The following RNF111 variants were observed in gnomAD, a reference collection of about 807,000 sequenced individuals.
RNF111 encodes ring finger protein 111.
RNF111 carries 17 observed loss-of-function variants against 95.1 expected under a neutral mutation model. That is an observed-to-expected ratio of 0.18 (90% CI 0.12 to 0.27). RNF111 has a LOEUF of 0.27. RNF111 is among the 10% of genes least tolerant of loss of function. The pLI is 1.00. For missense variants in RNF111, 1,189 were observed against 1,210.4 expected (o/e 0.98, Z 0.26); for synonymous variants, 440 against 414.8 (o/e 1.06, Z -0.74).
intron 2 of RNF111, among the ~76,000 whole-genome samples, chr15:59,049,092 C>CA (rs1242181820): frequency 1.3e-5 from 2 of 151,998 alleles, no homozygotes; most frequent in Non-Finnish European, 2.9e-5. Flanking sequence ...CACACACACA[C>CA]AAAAAAGTAT....
chr15:59,024,076 C>A (rs1331172744), intron 1 of RNF111, among the ~76,000 whole-genome samples: 1 of 151,992 alleles, frequency 6.6e-6, no homozygotes, highest in Non-Finnish European at 1.5e-5. Context: ...CTGATTATCC[C>A]CAGTTATATG....
In RNF111 at chr15:59,055,715, T is replaced by G; in HGVS notation, c.1041T>G (p.His347Gln). The G allele has an allele frequency of 6.2e-7, 1 of 1,613,950 alleles. No homozygotes were observed. The highest frequency in any genetic ancestry group is 8.5e-7 in the Non-Finnish European group (1 of 1,179,928). Residue 347 changes from histidine to glutamine, a missense_variant, in exon 4 of 14, where the codon CAT becomes CAG. Physicochemically the swap from His to Gln is conservative, Grantham distance 24 (BLOSUM62 0). Around this residue, in one of 2 missense-constraint regions of RNF111, gnomAD observed 1,024 missense variants for 925.9 expected, o/e 1.11. Transcript: ENST00000348370. ...SRSTLGHSRS[H>Q]WSQGSSSHAS... Reference sequence around the variant, plus strand: ...CAACCCTTGGACACTCCAGATCTCATTGGAGCCAGGGTTCCAGTTCTCATG... The same window carrying G: ...CAACCCTTGGACACTCCAGATCTCAGTGGAGCCAGGGTTCCAGTTCTCATG...
intron 2 of RNF111, among the ~76,000 whole-genome samples, chr15:59,034,182 A>G (rs1330862743): frequency 6.6e-6 from 1 of 152,130 alleles, no homozygotes; most frequent in Non-Finnish European, 1.5e-5. Context: ...TGACATTTGC[A>G]TAGTATTCCC....
intron 1 of RNF111, among the ~76,000 whole-genome samples, chr15:59,017,938 T>A (rs1361400680): frequency 6.6e-6 from 1 of 151,956 alleles, no homozygotes; most frequent in African/African-American, 2.4e-5. Flanking sequence ...TTTGTATTTT[T>A]GGTAGAGACG....
At chr15:58,995,891 C>G (rs1249026875) in intron 1 of RNF111, among the ~76,000 whole-genome samples, 1 of 150,132 alleles carries the variant, frequency 6.7e-6, no homozygotes, top group Non-Finnish European at 1.5e-5. Flanking sequence ...ACCCTGGTTC[C>G]TTTTAGTGAG....
intron 1 of RNF111, among the ~76,000 whole-genome samples, chr15:58,989,594 G>C (rs1026896489): frequency 6.6e-6 from 1 of 152,182 alleles, no homozygotes; most frequent in African/African-American, 2.4e-5. Flanking sequence ...TATTTCACCA[G>C]ACATAGAACT....
chr15:59,021,136 C>T (rs1319544254), intron 1 of RNF111, among the ~76,000 whole-genome samples: 1 of 151,974 alleles, frequency 6.6e-6, no homozygotes, highest in African/African-American at 2.4e-5. Flanking sequence ...GGTTAGATCC[C>T]AGATTTTATG....
chr15:59,036,070 TTTTA>T (rs763155391), intron 2 of RNF111, among the ~76,000 whole-genome samples: 5 of 152,118 alleles, frequency 3.3e-5, no homozygotes, highest in Non-Finnish European at 1.5e-5. Context: ...TTTATTCTAT[TTTTA>T]TTTATTTATT....
Position 59,091,128 on chromosome 15 carries a change from T to C in RNF111, c.2713T>C (p.Cys905Arg). 1 of 1,604,932 alleles carries C rather than the reference T, an allele frequency of 6.2e-7. No individual in the cohort carries two copies. The highest frequency in any genetic ancestry group is 8.5e-7 in the Non-Finnish European group (1 of 1,172,592). Reference sequence around the variant, plus strand: ...AGCATCCCAGGGGACAATTGAAAGATGTACATATCCACATAAATACAAAAA... The same window carrying C: ...AGCATCCCAGGGGACAATTGAAAGACGTACATATCCACATAAATACAAAAA... Reference protein sequence around the residue: ...RGASQGTIERCTYPHKYKKRK... With the variant: ...RGASQGTIERRTYPHKYKKRK... The change falls in exon 12 of 14, where the codon TGT becomes CGT. Residue 905 changes from cysteine (C) to arginine (R), a missense_variant. Cys to Arg is a radical substitution (Grantham distance 180, BLOSUM62 -3). Around this residue, in one of 2 missense-constraint regions of RNF111, gnomAD observed 165 missense variants for 284.6 expected, o/e 0.58. Transcript: ENST00000348370.
rs574260993 is a variant in RNF111, at chr15:59,027,906, A to G, written c.-19-2898A>G. The stretch of plus-strand genomic sequence containing the variant: ...AGTGGTGTGATCTCAGCTCACTACA[A>G]CCTCTGCCTCCCTGGTTCAAGCAAT... On this transcript the variant is annotated intron_variant, in intron 1 of 13. Transcript: ENST00000348370. 2.9e-3 allele frequency among the ~76,000 whole-genome samples: 419 copies of G among 145,928 alleles called. 1 individual carries two copies. The highest frequency in any genetic ancestry group is 0.011 in the Middle Eastern group (3 of 282).
At chr15:59,013,756 A>C (rs1178683004) in intron 1 of RNF111, among the ~76,000 whole-genome samples, 1 of 152,088 alleles carries the variant, frequency 6.6e-6, no homozygotes, top group African/African-American at 2.4e-5. Flanking sequence ...AGGAAGATTT[A>C]TTTATATCAG....
In RNF111 at chr15:59,028,524, AGT is replaced by A; in HGVS notation, c.-19-2276_-19-2275del. Among the ~76,000 whole-genome samples, 4 of 152,282 alleles carry A rather than the reference AGT, an allele frequency of 2.6e-5. 1 individual carries two copies. In the South Asian group the frequency reaches 8.3e-4, roughly 32 times the overall value. Reference sequence around the variant, plus strand: ...TATGTGAATGTGGTCTCTCTCTCATAGTGTGAGTAACTGAAGCTGTGGAAAGT... The same window carrying A: ...TATGTGAATGTGGTCTCTCTCTCATAGTGAGTAACTGAAGCTGTGGAAAGT... On this transcript the variant is annotated intron_variant, in intron 1 of 13. Coordinates refer to ENST00000348370, the MANE Select transcript of RNF111 (RefSeq NM_017610.8).
intron 7 of RNF111, among the ~76,000 whole-genome samples, chr15:59,076,982 C>T (rs1272849292): frequency 6.6e-6 from 1 of 152,152 alleles, no homozygotes; most frequent in Admixed American, 6.5e-5. Context: ...CTACTCCAGT[C>T]ATTTAAAAAA....
chr15:59,092,216 T>C (rs1048561219), intron 12 of RNF111, among the ~76,000 whole-genome samples: 3 of 152,170 alleles, frequency 2.0e-5, no homozygotes, highest in Admixed American at 6.6e-5. Context: ...AAAAAACTTA[T>C]TTATGCTCAT....
At chr15:59,054,826 A>G (rs1216284381) in intron 3 of RNF111, among the ~76,000 whole-genome samples, 1 of 152,166 alleles carries the variant, frequency 6.6e-6, no homozygotes, top group Non-Finnish European at 1.5e-5. Flanking sequence ...GTAAATGCTG[A>G]CAATAAGGTT....
intron 1 of RNF111, among the ~76,000 whole-genome samples, chr15:59,028,607 A>G (rs1475070539): frequency 2.6e-5 from 4 of 152,106 alleles, no homozygotes; most frequent in Middle Eastern, 3.4e-3. Flanking sequence ...CTGAGTAATA[A>G]TCTTTTGTAT....
intron 1 of RNF111, among the ~76,000 whole-genome samples, chr15:58,995,443 T>C (rs144974495): frequency 1.0e-4 from 15 of 148,864 alleles, no homozygotes; most frequent in African/African-American, 3.7e-4. Flanking sequence ...TGGGCTCCTG[T>C]GTCTTTTTAA....
chr15:59,004,784 G>A (rs2039465396), intron 1 of RNF111, among the ~76,000 whole-genome samples: 1 of 151,986 alleles, frequency 6.6e-6, no homozygotes, highest in South Asian at 2.1e-4. Flanking sequence ...CTCCACTATT[G>A]GAATAAATCA....
intron 8 of RNF111, among the ~76,000 whole-genome samples, chr15:59,083,499 G>C (rs1323200362): frequency 6.6e-6 from 1 of 150,430 alleles, no homozygotes; most frequent in African/African-American, 2.5e-5. Flanking sequence ...GATTGCCACT[G>C]TACTCCAGCC....
Sources: allele counts gnomAD v4.1 joint callset (sites outside exome capture counted in the v4.1 genomes callset), GRCh38; gene constraint gnomAD v4.1.1; regional missense constraint gnomAD v4.1.1; transcripts MANE v1.5; gene names NCBI Gene and HGNC (gene_info 2026-07-23, HGNC 2026-07-21).